The following FAM171A1 variants were observed in gnomAD, a reference collection of about 807,000 sequenced individuals.
FAM171A1 encodes the protein family with sequence similarity 171 member A1, also known as protein FAM171A1.
In FAM171A1, 23 loss-of-function variants were observed where a neutral mutation model predicts 74.9. The observed-to-expected ratio is 0.31, with a 90% CI of 0.22 to 0.44. The LOEUF (loss-of-function observed/expected upper bound fraction) is 0.44. FAM171A1 is among the 20% of genes least tolerant of loss of function. The pLI is 1.00. For missense variants in FAM171A1, 1,162 were observed against 1,159.2 expected (o/e 1.00, Z -0.03); for synonymous variants, 527 against 505.7 (o/e 1.04, Z -0.57).
At chr10:15,310,953 A>G (rs1311976242) in intron 1 of FAM171A1, among the ~76,000 whole-genome samples, 1 of 152,034 alleles carries the variant, frequency 6.6e-6, no homozygotes, top group Non-Finnish European at 1.5e-5. Flanking sequence ...TGGGTCTTGG[A>G]GCAGGGCTGG....
chr10:15,310,731 G>A (rs1013055976), intron 1 of FAM171A1, among the ~76,000 whole-genome samples: 7 of 152,146 alleles, frequency 4.6e-5, no homozygotes, highest in South Asian at 2.1e-4. Flanking sequence ...GCGTGGTGGC[G>A]CGTGCCTGTA....
chr10:15,244,562 T>C (rs1239286823), intron 5 of FAM171A1, among the ~76,000 whole-genome samples: 1 of 152,228 alleles, frequency 6.6e-6, no homozygotes, highest in African/African-American at 2.4e-5. Flanking sequence ...TATTCTCATG[T>C]GATTCAACCA....
intron 1 of FAM171A1, among the ~76,000 whole-genome samples, chr10:15,309,150 A>G (rs1356909769): frequency 6.6e-6 from 1 of 152,252 alleles, no homozygotes; most frequent in African/African-American, 2.4e-5. Context: ...TAATGGATGT[A>G]CATAACATAA....
intron 5 of FAM171A1, among the ~76,000 whole-genome samples, chr10:15,221,488 A>G (rs1237928332): frequency 6.6e-6 from 1 of 152,196 alleles, no homozygotes; most frequent in Non-Finnish European, 1.5e-5. Context: ...CAGACTGGCT[A>G]TATCAGAATT....
intron 1 of FAM171A1, among the ~76,000 whole-genome samples, chr10:15,319,155 A>C (rs1046348881): frequency 3.9e-5 from 6 of 152,206 alleles, no homozygotes; most frequent in African/African-American, 1.4e-4. Flanking sequence ...ACATATGTCC[A>C]TTTCTACAGC....
chr10:15,287,391 TC>T (rs200272779), intron 1 of FAM171A1, among the ~76,000 whole-genome samples: 1,939 of 144,722 alleles, frequency 0.013, 27 homozygotes, highest in Non-Finnish European at 0.02. Flanking sequence ...CGCGCCGGCC[TC>T]TTTTTTTTTT....
intron 1 of FAM171A1, among the ~76,000 whole-genome samples, chr10:15,304,341 G>A (rs1835267862): frequency 6.6e-6 from 1 of 152,092 alleles, no homozygotes; most frequent in South Asian, 2.1e-4. Context: ...ATAAACTACT[G>A]CTCGGTGAGC....
intron 1 of FAM171A1, among the ~76,000 whole-genome samples, chr10:15,366,628 C>G (rs1055684163): frequency 1.3e-5 from 2 of 152,126 alleles, no homozygotes; most frequent in African/African-American, 4.8e-5. Flanking sequence ...ACATGTTTCA[C>G]AAAAAGTACA....
At chr10:15,276,650 A>T (rs192877313) in intron 2 of FAM171A1, among the ~76,000 whole-genome samples, 1 of 152,250 alleles carries the variant, frequency 6.6e-6, no homozygotes, top group East Asian at 1.9e-4. Flanking sequence ...TATTCCCCCA[A>T]TCCTGGGAAC....
intron 1 of FAM171A1, among the ~76,000 whole-genome samples, chr10:15,299,706 G>A (rs1835205361): frequency 6.6e-6 from 1 of 152,082 alleles, no homozygotes; most frequent in Non-Finnish European, 1.5e-5. Context: ...TGGGCCGGGT[G>A]CGGTGGCTCA....
At chr10:15,265,855 T>C (rs1203677340) in intron 3 of FAM171A1, among the ~76,000 whole-genome samples, 8 of 152,084 alleles carry the variant, frequency 5.3e-5, no homozygotes, top group Non-Finnish European at 1.0e-4. Flanking sequence ...CATGGAAAGA[T>C]CCAGAACTCC....
intron 7 of FAM171A1, among the ~76,000 whole-genome samples, chr10:15,215,766 C>T (rs775499985): frequency 3.3e-5 from 5 of 152,122 alleles, no homozygotes; most frequent in Non-Finnish European, 7.4e-5. Flanking sequence ...AACTCTTTTT[C>T]ATAACTCCCC....
intron 6 of FAM171A1, among the ~76,000 whole-genome samples, chr10:15,216,480 G>A (rs371768804): frequency 7.9e-5 from 12 of 152,024 alleles, no homozygotes; most frequent in African/African-American, 1.7e-4. Flanking sequence ...ACCCAGGCTG[G>A]AGCGCAGTGA....
chr10:15,350,894 C>T (rs568483555), intron 1 of FAM171A1, among the ~76,000 whole-genome samples: 1 of 152,176 alleles, frequency 6.6e-6, no homozygotes, highest in South Asian at 2.1e-4. Context: ...CTGCCTGCTT[C>T]AGCCTCCTAA....
At position 15,213,330 on chromosome 10, in the gene FAM171A1, C is replaced by A. The variant is rs752137082; in HGVS notation, c.2258G>T (p.Arg753Leu). 2 of 1,614,166 alleles carry A rather than the reference C, an allele frequency of 1.2e-6. No individual in the cohort carries two copies. Among genetic ancestry groups the A allele is most frequent in the South Asian group, 2.2e-5 (2 of 91,082 alleles). The change falls in exon 8 of 8, where the codon CGG (arginine) becomes CTG (leucine). Residue 753 changes from arginine (R) to leucine (L), a missense_variant. By Grantham distance (102) the Arg-to-Leu change is moderately radical. Transcript: ENST00000378116. The surrounding 1 kb of genome is among the most constrained non-coding windows in gnomAD (Gnocchi z 6.8). ...GVDMNEPKSARKGRGDALSLQ... is the reference protein window; with the variant it reads ...GVDMNEPKSALKGRGDALSLQ... ...AGACAAAGCATCTCCCCTTCCCTTC[C>A]GGGCTGATTTTGGTTCATTCATATC...
rs1833925182 is a variant in FAM171A1, at chr10:15,213,675, AGGGGCT to A, written c.1907_1912del (p.Gln636_Pro637del). 1 of 1,613,282 alleles carries A rather than the reference AGGGGCT, an allele frequency of 6.2e-7. No individual in the cohort carries two copies. Among genetic ancestry groups the A allele is most frequent in the African/African-American group, 1.3e-5 (1 of 74,922 alleles). On this transcript the variant is annotated inframe_deletion, in exon 8 of 8. Transcript: ENST00000378116. This position sits in a 1 kb window ranked among gnomAD's most constrained non-coding sequence, Gnocchi z 6.8. Reference sequence around the variant, plus strand: ...CTGCTGAGAGATGGCCTGGGAAGACAGGGGCTGGGGCTGGATCTGTGAGGACGGGTG... The same window carrying A: ...CTGCTGAGAGATGGCCTGGGAAGACAGGGGCTGGATCTGTGAGGACGGGTG...
At chr10:15,316,729 A>C (rs1197805765) in intron 1 of FAM171A1, among the ~76,000 whole-genome samples, 2 of 152,200 alleles carry the variant, frequency 1.3e-5, no homozygotes, top group Non-Finnish European at 2.9e-5. Context: ...CTGTGTTGGC[A>C]TAACTATGGC....
chr10:15,248,543 T>C, intron 5 of FAM171A1, 96 bp downstream of exon 5: 1 of 1,354,348 alleles, frequency 7.4e-7, no homozygotes, highest in South Asian at 1.5e-5. Context: ...TTCACTGACT[T>C]CAAGGAAAGG....
intron 1 of FAM171A1, among the ~76,000 whole-genome samples, chr10:15,292,772 C>T (rs1369249856): frequency 2.0e-5 from 3 of 152,108 alleles, no homozygotes; most frequent in Non-Finnish European, 4.4e-5. Flanking sequence ...AGGGGTGAGC[C>T]ACTGCACCGA....
Sources: gnomAD v4.1 joint callset for allele counts (sites outside exome capture counted in the v4.1 genomes callset) on GRCh38, gnomAD v4.1.1 for gene constraint, Gnocchi (gnomAD v3.1) non-coding constraint, MANE v1.5 for transcripts, NCBI Gene and HGNC (gene_info 2026-07-23, HGNC 2026-07-21) for gene names.